The following RAD23B variants were observed in gnomAD, a reference collection of about 807,000 sequenced individuals.
RAD23B encodes the protein RAD23 nucleotide excision repair protein B.
A neutral mutation model predicts 49.1 loss-of-function variants in RAD23B; 5 were observed. That is an observed-to-expected ratio of 0.10 (90% CI 0.05 to 0.21). RAD23B has a LOEUF of 0.21. Ranked by LOEUF, RAD23B falls within the 10% of genes least tolerant of loss-of-function variation. RAD23B has a pLI of 1.00. For synonymous variants in RAD23B, 184 were observed against 165.4 expected (o/e 1.11, Z -0.86); for missense variants, 356 against 486.7 (o/e 0.73, Z 2.53).
chr9:107,312,595 G>C (rs1826910179), intron 5 of RAD23B, among the ~76,000 whole-genome samples: 1 of 152,164 alleles, frequency 6.6e-6, no homozygotes, highest in Non-Finnish European at 1.5e-5. Flanking sequence ...AAGATCGCCT[G>C]GGTGTGACAA....
intron 9 of RAD23B, among the ~76,000 whole-genome samples, chr9:107,327,703 T>C (rs1827237621): frequency 6.6e-6 from 1 of 152,208 alleles, no homozygotes; most frequent in African/African-American, 2.4e-5. Flanking sequence ...CTATGTATAC[T>C]GAAGAAGAAT....
chr9:107,314,948 T>C (rs566138357), intron 5 of RAD23B, among the ~76,000 whole-genome samples: 5 of 152,332 alleles, frequency 3.3e-5, no homozygotes, highest in African/African-American at 1.2e-4. Flanking sequence ...TTTTGAAGAA[T>C]GTTTTTTGCC....
intron 1 of RAD23B, among the ~76,000 whole-genome samples, chr9:107,297,915 A>ATG (rs1236241778): frequency 6.6e-6 from 1 of 152,054 alleles, no homozygotes; most frequent in Non-Finnish European, 1.5e-5. Flanking sequence ...GTTGCTTCAT[A>ATG]TGTGTCTTTT....
chr9:107,319,605 A>C (rs143336159), intron 6 of RAD23B, among the ~76,000 whole-genome samples: 1 of 152,304 alleles, frequency 6.6e-6, no homozygotes, highest in East Asian at 1.9e-4. Flanking sequence ...AATATTTTAG[A>C]TCGTGGAATC....
At chr9:107,310,261 C>T (rs1367676561) in intron 4 of RAD23B, among the ~76,000 whole-genome samples, 1 of 151,706 alleles carries the variant, frequency 6.6e-6, no homozygotes, top group Admixed American at 6.6e-5. Flanking sequence ...AAAAGCAAAG[C>T]CATAAGCTAA....
chr9:107,285,929 A>C (rs974926497), intron 1 of RAD23B, among the ~76,000 whole-genome samples: 1 of 152,216 alleles, frequency 6.6e-6, no homozygotes, highest in African/African-American at 2.4e-5. Context: ...TGTTTTTGAT[A>C]CGACACCTTA....
At chr9:107,288,936 A>C (rs1833327846) in intron 1 of RAD23B, among the ~76,000 whole-genome samples, 1 of 152,140 alleles carries the variant, frequency 6.6e-6, no homozygotes, top group African/African-American at 2.4e-5. Context: ...CAAGTGAGTT[A>C]GGCTAGGGGT....
rs1833200035 is a variant in RAD23B, at chr9:107,283,548, C to G, written c.-82C>G. On this transcript the variant is annotated 5_prime_UTR_variant, in exon 1 of 10. Transcript: ENST00000358015. ...CCAGAGCGCGAGGAGCGCGGGCGAC[C>G]CCGGGGCCCCGCCAGGCCACAGACC... 8.9e-7 allele frequency: 1 copy of G among 1,124,130 alleles called. No homozygotes were observed. The highest frequency in any genetic ancestry group is 1.2e-6 in the Non-Finnish European group (1 of 847,460). The allele number at this position is 1,124,130 out of a possible 1,614,324, so 69.6% of individuals were successfully genotyped here.
chr9:107,310,184 A>C (rs140759366), intron 4 of RAD23B, among the ~76,000 whole-genome samples: 9 of 152,282 alleles, frequency 5.9e-5, no homozygotes, highest in African/African-American at 7.2e-5. Flanking sequence ...ATCTAGAATG[A>C]AAAAAGAATG....
At position 107,324,030 on chromosome 9, in the gene RAD23B, T is replaced by C; in HGVS notation, c.945+13T>C. 8 of 1,612,352 alleles carry C rather than the reference T, an allele frequency of 5.0e-6. No individual in the cohort carries two copies. Among genetic ancestry groups the C allele is most frequent in the Non-Finnish European group, 6.8e-6 (8 of 1,178,624 alleles). On this transcript the variant is annotated intron_variant, in intron 8 of 9. Transcript: ENST00000358015. The stretch of plus-strand genomic sequence containing the variant: ...TCAATTACTTCAGGTGACTAATCAG[T>C]GTCAGTTTCACAAGTGATTTAGAGT...
At chr9:107,323,605 ATTATT>A (rs1827148218) in intron 7 of RAD23B, among the ~76,000 whole-genome samples, 1 of 152,168 alleles carries the variant, frequency 6.6e-6, no homozygotes, top group Non-Finnish European at 1.5e-5. Flanking sequence ...AGTTTCTAGT[ATTATT>A]TTATAACGTT....
At chr9:107,325,313 C>CAAAAAAAAAAAAAAAAA (rs34042765) in intron 9 of RAD23B, among the ~76,000 whole-genome samples, 23 of 61,386 alleles carry the variant, frequency 3.7e-4, no homozygotes, top group African/African-American at 1.2e-3. Flanking sequence ...GACTCTGTCT[C>CAAAAAAAAAAAAAAAAA]AAAAAAAAAA....
In RAD23B at chr9:107,298,421, C is replaced by T. The variant is rs570354443; in HGVS notation, c.67-1720C>T. ...CTCCACTTTTCAAATGATTCTTGTACCTCGTCCTCCCAAGTAGCTGGGATT... is the reference window on the plus strand; with the variant it reads ...CTCCACTTTTCAAATGATTCTTGTATCTCGTCCTCCCAAGTAGCTGGGATT... On this transcript the variant is annotated intron_variant, in intron 1 of 9. Coordinates refer to ENST00000358015, the MANE Select transcript of RAD23B (RefSeq NM_002874.5). 2.6e-4 allele frequency among the ~76,000 whole-genome samples: 40 copies of T among 151,528 alleles called. 1 individual carries two copies. In the South Asian group the frequency reaches 8.3e-3, roughly 32 times the overall value.
intron 1 of RAD23B, among the ~76,000 whole-genome samples, chr9:107,290,078 G>A (rs1833350470): frequency 6.6e-6 from 1 of 152,186 alleles, no homozygotes; most frequent in African/African-American, 2.4e-5. Flanking sequence ...CTCTTCCACT[G>A]CCACAGGATG....
intron 9 of RAD23B, among the ~76,000 whole-genome samples, chr9:107,326,653 A>C (rs1444976227): frequency 1.9e-4 from 2 of 10,548 alleles, no homozygotes; most frequent in African/African-American, 4.5e-4. Context: ...TTTTTTTTTG[A>C]GACAGAGTCT....
At chr9:107,324,726 C>T (rs952266894) in intron 8 of RAD23B, 108 bp from the exon 9 acceptor site, 56 of 1,123,304 alleles carry the variant, frequency 5.0e-5, no homozygotes, top group Non-Finnish European at 6.2e-5. Flanking sequence ...CACTAAATTA[C>T]GTTTGCAAAA....
At chr9:107,319,128 CTT>C (rs56891354) in intron 6 of RAD23B, among the ~76,000 whole-genome samples, 65 of 97,798 alleles carry the variant, frequency 6.6e-4, no homozygotes, top group East Asian at 9.7e-4. Context: ...TTTCTTTTTT[CTT>C]TTTTTTTTTT....
At chr9:107,324,284 A>T (rs973277348) in intron 8 of RAD23B, among the ~76,000 whole-genome samples, 1 of 152,240 alleles carries the variant, frequency 6.6e-6, no homozygotes, top group Non-Finnish European at 1.5e-5. Context: ...ACTACACATT[A>T]ATATGTTAAA....
Position 107,331,879 on chromosome 9 carries a change from T to G in RAD23B, c.*2223T>G, listed in dbSNP as rs1235261890. On this transcript the variant is annotated 3_prime_UTR_variant, in exon 10 of 10. Coordinates refer to ENST00000358015, the MANE Select transcript of RAD23B (RefSeq NM_002874.5). Reference sequence around the variant, plus strand: ...ATCAGCCGAGACACCATAAAAGAAATAGGCTTTTTGTGCCTTTTGCTGTTA... The same window carrying G: ...ATCAGCCGAGACACCATAAAAGAAAGAGGCTTTTTGTGCCTTTTGCTGTTA... 5 of 506,732 alleles carry G rather than the reference T, an allele frequency of 9.9e-6. No individual in the cohort carries two copies. Among genetic ancestry groups the G allele is most frequent in the Admixed American group, 3.5e-5 (1 of 28,574 alleles). 31.4% of individuals were successfully genotyped at this position (506,732 alleles called of 1,614,324 possible).
Sources: allele counts gnomAD v4.1 joint callset (sites outside exome capture counted in the v4.1 genomes callset), GRCh38; gene constraint gnomAD v4.1.1; transcripts MANE v1.5; gene names NCBI Gene and HGNC (gene_info 2026-07-23, HGNC 2026-07-21).